Variants in ELFN1 observed in about 807,000 individuals in gnomAD.
ELFN1 encodes the protein protein ELFN1.
Under a neutral mutation model 7.6 loss-of-function variants are expected in ELFN1, and 6 were observed. The ratio of observed to expected loss-of-function variants is 0.79; its 90% CI spans 0.43 to 1.56. The LOEUF is 1.56. Ranked by LOEUF, ELFN1 falls within the 40% of genes most tolerant of loss-of-function variation. ELFN1 has a pLI of 0.01. For missense variants in ELFN1, 1,169 were observed against 1,232.2 expected (o/e 0.95, Z 0.77); for synonymous variants, 657 against 588.1 (o/e 1.12, Z -1.70).
Position 1,747,840 on chromosome 7 carries a change from A to G in ELFN1, c.*757A>G, listed in dbSNP as rs949121424. ...CAGAAAAAAATATTTCTATATTTGCAATGTTTGCTGTAAAATGAGAAAGAA... is the reference window on the plus strand; with the variant it reads ...CAGAAAAAAATATTTCTATATTTGCGATGTTTGCTGTAAAATGAGAAAGAA... On this transcript the variant is annotated 3_prime_UTR_variant, in exon 4 of 4. Transcript: ENST00000424383. The G allele has an allele frequency of 1.2e-5, 2 of 165,712 alleles. No homozygotes were observed. Among genetic ancestry groups the G allele is most frequent in the African/African-American group, 4.9e-5 (2 of 41,114 alleles). 10.3% of individuals were successfully genotyped at this position (165,712 alleles called of 1,614,324 possible). A position where few individuals can be genotyped will look rare whatever the true frequency, so the allele number is the denominator to read the frequency against.
At position 1,747,438 on chromosome 7, in the gene ELFN1, CTCTA is replaced by C. The variant is rs1207389214; in HGVS notation, c.*359_*362del. 2.6e-5 allele frequency: 5 copies of C among 194,260 alleles called. No individual in the cohort carries two copies. The highest frequency in any genetic ancestry group is 2.3e-5 in the Non-Finnish European group (2 of 88,170). 12.0% of individuals were successfully genotyped at this position (194,260 alleles called of 1,614,324 possible). The stretch of plus-strand genomic sequence containing the variant: ...AGTCTTCTCTGCCTTTTCTTTTCCT[CTCTA>C]TCTCTTTACTTTCTTCCTTTTTTAA... On this transcript the variant is annotated 3_prime_UTR_variant, in exon 4 of 4. Coordinates refer to ENST00000424383, the MANE Select transcript of ELFN1 (RefSeq NM_001128636.4).
In ELFN1 at chr7:1,705,654, G is replaced by A. The variant is rs977431847; in HGVS notation, c.-455-3437G>A. Among the ~76,000 whole-genome samples the A allele has an allele frequency of 2.0e-5, 3 of 152,240 alleles. No homozygotes were observed. Among genetic ancestry groups the A allele is most frequent in the Admixed American group, 1.3e-4 (2 of 15,290 alleles). On this transcript the variant is annotated intron_variant, in intron 2 of 3. Transcript: ENST00000424383. This position sits in a 1 kb window ranked among gnomAD's most constrained non-coding sequence, Gnocchi z 4.3. ...CCTCTGGGGGCTGCTGTCCCTCTGG[G>A]CCCTTGCCCTTTCTGGCCCTGCCCT...
chr7:1,702,366 T>A (rs779710775), intron 2 of ELFN1, among the ~76,000 whole-genome samples: 15 of 151,206 alleles, frequency 9.9e-5, no homozygotes, highest in Non-Finnish European at 1.5e-4. Context: ...GTGGTTGCAG[T>A]GAGCCGAGAT....
In ELFN1 at chr7:1,735,464, GTCA is replaced by G; in HGVS notation, c.-293-8839_-293-8837del. 6.6e-6 allele frequency among the ~76,000 whole-genome samples: 1 copy of G among 152,212 alleles called. No homozygotes were observed. Among genetic ancestry groups the G allele is most frequent in the South Asian group, 2.1e-4 (1 of 4,814 alleles). ...CGGCCTCCTGGAGGGCAAGGCGGAG[GTCA>G]GGGGCCTGCTAGACCCAACCCTGCG... On this transcript the variant is annotated intron_variant, in intron 3 of 3. Coordinates refer to ENST00000424383, the MANE Select transcript of ELFN1 (RefSeq NM_001128636.4). This position sits in a 1 kb window ranked among gnomAD's most constrained non-coding sequence, Gnocchi z 5.9.
chr7:1,722,807 A>T (rs1421001020), intron 3 of ELFN1, among the ~76,000 whole-genome samples: 3 of 152,242 alleles, frequency 2.0e-5, no homozygotes, highest in African/African-American at 7.2e-5. Context: ...CCTAAGGAGT[A>T]ATACAATGAA....
intron 3 of ELFN1, among the ~76,000 whole-genome samples, chr7:1,736,212 G>A (rs930246573): frequency 9.2e-5 from 14 of 152,150 alleles, no homozygotes; most frequent in South Asian, 8.3e-4. Flanking sequence ...ATGATCTATC[G>A]GCAAAACATT....
chr7:1,745,982 C>T lies in ELFN1; in HGVS notation c.1386C>T (p.Leu462=). The T allele has an allele frequency of 6.5e-7, 1 of 1,544,802 alleles. No homozygotes were observed. The highest frequency in any genetic ancestry group is 8.7e-7 in the Non-Finnish European group (1 of 1,143,282). The change falls in exon 4 of 4, where the codon CTC becomes CTT. Residue 462 remains leucine (L), a synonymous_variant. Coordinates refer to ENST00000424383, the MANE Select transcript of ELFN1 (RefSeq NM_001128636.4). ...CCTCGGCAGCCGCAGCTGGCAGCCTCAAGAAGACCATCATCGAGCTCAAGT... is the reference window on the plus strand; with the variant it reads ...CCTCGGCAGCCGCAGCTGGCAGCCTTAAGAAGACCATCATCGAGCTCAAGT... ...KAASAAAAGS[L]KKTIIELKYG... is the part of the protein sequence containing the mutation.
intron 2 of ELFN1, among the ~76,000 whole-genome samples, chr7:1,701,152 ACG>A (rs1723153242): frequency 6.6e-6 from 1 of 150,744 alleles, no homozygotes; most frequent in Non-Finnish European, 1.5e-5. Flanking sequence ...TGTGTGGTGC[ACG>A]CATGTGTGTG....
chr7:1,684,807 G>A (rs975389550), intron 1 of ELFN1, among the ~76,000 whole-genome samples: 5 of 152,002 alleles, frequency 3.3e-5, no homozygotes, highest in African/African-American at 1.2e-4. Flanking sequence ...GTTGACGTAT[G>A]TTATAACATA....
intron 3 of ELFN1, among the ~76,000 whole-genome samples, chr7:1,728,914 T>C (rs982035262): frequency 6.6e-6 from 1 of 152,202 alleles, no homozygotes; most frequent in African/African-American, 2.4e-5. Context: ...CATCATCTCA[T>C]GATGTCCATC....
intron 3 of ELFN1, among the ~76,000 whole-genome samples, chr7:1,726,503 C>A (rs1258635246): frequency 6.6e-6 from 1 of 152,256 alleles, no homozygotes; most frequent in Non-Finnish European, 1.5e-5. Flanking sequence ...TCCCCCGAGG[C>A]CTCACGCCCA....
At chr7:1,708,790 G>A (rs571310477) in intron 2 of ELFN1, among the ~76,000 whole-genome samples, 2 of 152,252 alleles carry the variant, frequency 1.3e-5, no homozygotes, top group South Asian at 4.1e-4. Flanking sequence ...AGCTGGAATT[G>A]GTTGCAGTGA....
intron 3 of ELFN1, among the ~76,000 whole-genome samples, chr7:1,711,575 T>C (rs56391379): frequency 2.3e-5 from 2 of 87,544 alleles, no homozygotes; most frequent in African/African-American, 9.5e-5. Context: ...AGCGAGAGAG[T>C]GAGAGAGAGA....
At chr7:1,691,418 G>T (rs569112111) in intron 2 of ELFN1, among the ~76,000 whole-genome samples, 2 of 152,324 alleles carry the variant, frequency 1.3e-5, no homozygotes, top group East Asian at 3.9e-4. Context: ...GCTGTTTTTG[G>T]CACTAAACGT....
intron 3 of ELFN1, among the ~76,000 whole-genome samples, chr7:1,721,243 G>A (rs1660582309): frequency 6.6e-6 from 1 of 152,206 alleles, no homozygotes. Flanking sequence ...CCTCCTGGCT[G>A]CCCAACCAGG....
intron 1 of ELFN1, among the ~76,000 whole-genome samples, chr7:1,677,731 T>C (rs1406644785): frequency 6.6e-6 from 1 of 152,170 alleles, no homozygotes; most frequent in Non-Finnish European, 1.5e-5. Flanking sequence ...GTGAAATTCC[T>C]TCCGTCTGAG....
At chr7:1,725,670 A>G (rs541304976) in intron 3 of ELFN1, among the ~76,000 whole-genome samples, 1 of 152,292 alleles carries the variant, frequency 6.6e-6, no homozygotes, top group Non-Finnish European at 1.5e-5. Flanking sequence ...GTGAGGCAGT[A>G]ATTAGACGCT....
At chr7:1,726,986 C>G (rs114473240) in intron 3 of ELFN1, among the ~76,000 whole-genome samples, 1,901 of 152,236 alleles carry the variant, frequency 0.012, 42 homozygotes, top group African/African-American at 0.044. Flanking sequence ...GCTACTTACT[C>G]AGGGGCACAC....
chr7:1,693,682 C>G (rs1779230056), intron 2 of ELFN1: 3 of 471,068 alleles, frequency 6.4e-6, no homozygotes, highest in Non-Finnish European at 8.8e-6. Context: ...TGCATGCCCT[C>G]TGTGTGTCTA....
Sources: gnomAD v4.1 joint callset for allele counts (sites outside exome capture counted in the v4.1 genomes callset) on GRCh38, gnomAD v4.1.1 for gene constraint, Gnocchi (gnomAD v3.1) non-coding constraint, MANE v1.5 for transcripts, NCBI Gene and HGNC (gene_info 2026-07-23, HGNC 2026-07-21) for gene names.